The following LIPI variants were observed in gnomAD, a reference collection of about 807,000 sequenced individuals.
LIPI encodes the protein lipase I.
In LIPI, 59 loss-of-function variants were observed where a neutral mutation model predicts 50.6. The ratio of observed to expected loss-of-function variants is 1.16; its 90% CI spans 0.94 to 1.45. The LOEUF (loss-of-function observed/expected upper bound fraction) is 1.45, where lower values mean the gene tolerates loss of function less well. LIPI is among the 40% of genes most tolerant of loss of function. The probability of loss-of-function intolerance (pLI) is 0.00; values close to 1 mark genes in which losing one functional copy is unlikely to be tolerated. For missense variants in LIPI, 586 were observed against 536.3 expected, an observed-to-expected ratio of 1.09 and a Z score of -0.92; for synonymous variants, 203 against 178.2, an observed-to-expected ratio of 1.14 and a Z score of -1.11.
intron 4 of LIPI, among the ~76,000 whole-genome samples, chr21:14,180,085 T>A (rs2019221963): frequency 6.6e-6 from 1 of 152,094 alleles, no homozygotes; most frequent in Non-Finnish European, 1.5e-5. Flanking sequence ...TCTGGGAATG[T>A]CTGTCTTATG....
chr21:14,161,133 T>C (rs1310511053), intron 7 of LIPI, among the ~76,000 whole-genome samples: 2 of 151,136 alleles, frequency 1.3e-5, no homozygotes, highest in East Asian at 1.9e-4. Context: ...TTATGACAGA[T>C]AAATGAAGAC....
chr21:14,176,680 G>GTTT (rs34940495), intron 4 of LIPI, among the ~76,000 whole-genome samples: 2 of 141,682 alleles, frequency 1.4e-5, no homozygotes, highest in African/African-American at 2.6e-5. Context: ...TGAGAATATT[G>GTTT]TTTTTTTTTC....
At chr21:14,164,515 T>A (rs2123153401) in intron 6 of LIPI, among the ~76,000 whole-genome samples, 1 of 152,304 alleles carries the variant, frequency 6.6e-6, no homozygotes, top group South Asian at 2.1e-4. Flanking sequence ...TACCTATTCC[T>A]CGAACCCCTT....
intron 1 of LIPI, among the ~76,000 whole-genome samples, chr21:14,197,448 A>C (rs1208894349): frequency 6.6e-6 from 1 of 152,146 alleles, no homozygotes; most frequent in African/African-American, 2.4e-5. Context: ...AGAGCTGAAA[A>C]ACACACTACA....
At chr21:14,201,212 A>G (rs1426174074) in intron 1 of LIPI, among the ~76,000 whole-genome samples, 1 of 152,128 alleles carries the variant, frequency 6.6e-6, no homozygotes, top group African/African-American at 2.4e-5. Flanking sequence ...CTAAGATTTC[A>G]CGACAAAGAC....
chr21:14,163,802 G>T (rs898811197), intron 6 of LIPI, among the ~76,000 whole-genome samples: 18 of 151,826 alleles, frequency 1.2e-4, no homozygotes, highest in African/African-American at 2.9e-4. Flanking sequence ...ATTTGTAGAA[G>T]TTTTACTGTT....
rs1028876978 is a variant in LIPI at position 14,135,341 on chromosome 21, C to T, written c.1295+9282G>A. 2.9e-4 allele frequency among the ~76,000 whole-genome samples: 44 copies of T among 152,042 alleles called. 1 individual carries two copies. Among genetic ancestry groups the T allele is most frequent in the Non-Finnish European group, 4.4e-5 (3 of 67,998 alleles). ...ACACGGAAAAAAACACCTTCATAAC[C>T]AAAAAATCAGATGAGCACTCATAGT... On this transcript the variant is annotated intron_variant, in intron 9 of 9. Coordinates refer to ENST00000681601, the MANE Select transcript of LIPI (RefSeq NM_001302998.2).
intron 3 of LIPI, 41 bp downstream of exon 3, chr21:14,185,919 TA>T: frequency 3.4e-6 from 4 of 1,170,164 alleles, no homozygotes; most frequent in Non-Finnish European, 5.1e-6. Flanking sequence ...TTCTGATACT[TA>T]AAAGTATGCT....
intron 1 of LIPI, among the ~76,000 whole-genome samples, chr21:14,189,935 A>G (rs1392381972): frequency 2.0e-5 from 3 of 152,258 alleles, no homozygotes; most frequent in Non-Finnish European, 4.4e-5. Flanking sequence ...TCATAAGTTG[A>G]TACAACATTC....
intron 8 of LIPI, among the ~76,000 whole-genome samples, chr21:14,147,548 C>T (rs2017949343): frequency 1.3e-5 from 2 of 152,046 alleles, no homozygotes; most frequent in South Asian, 4.1e-4. Context: ...AATCTATCTG[C>T]TATAGACATC....
intron 8 of LIPI, among the ~76,000 whole-genome samples, chr21:14,149,902 G>A (rs986091865): frequency 6.6e-6 from 1 of 152,190 alleles, no homozygotes; most frequent in African/African-American, 2.4e-5. Context: ...GGTGTCTGCA[G>A]GTTTTCCAGG....
At chr21:14,135,257 T>G (rs533758537) in intron 9 of LIPI, among the ~76,000 whole-genome samples, 2 of 152,256 alleles carry the variant, frequency 1.3e-5, no homozygotes, top group Non-Finnish European at 2.9e-5. Flanking sequence ...CAGGGCAAGA[T>G]GGTGGAATAG....
At chr21:14,204,547 T>C (rs1033100952) in intron 1 of LIPI, among the ~76,000 whole-genome samples, 4 of 151,848 alleles carry the variant, frequency 2.6e-5, no homozygotes, top group African/African-American at 9.7e-5. Context: ...GAAAAATAAA[T>C]GACATTTTGA....
intron 9 of LIPI, among the ~76,000 whole-genome samples, chr21:14,123,207 A>C (rs2016929483): frequency 6.6e-6 from 1 of 152,266 alleles, no homozygotes; most frequent in Non-Finnish European, 1.5e-5. Flanking sequence ...AAAGACTTTC[A>C]GACTCCCGTA....
chr21:14,115,104 C>T (rs776017546), intron 9 of LIPI, among the ~76,000 whole-genome samples: 1 of 152,040 alleles, frequency 6.6e-6, no homozygotes, highest in Non-Finnish European at 1.5e-5. Flanking sequence ...AACCTCCGCA[C>T]CCCGCTCCCC....
intron 7 of LIPI, among the ~76,000 whole-genome samples, chr21:14,153,139 AATATAT>A (rs939298680): frequency 6.6e-6 from 1 of 152,152 alleles, no homozygotes; most frequent in South Asian, 2.1e-4. Context: ...AATGACTGTG[AATATAT>A]ATATAAGGTA....
intron 9 of LIPI, among the ~76,000 whole-genome samples, chr21:14,142,165 G>A (rs1442907891): frequency 1.3e-5 from 2 of 152,012 alleles, no homozygotes; most frequent in East Asian, 1.9e-4. Context: ...AACAGTCGGG[G>A]GTTGGGGGAC....
chr21:14,210,580 G>A (rs1375510156), intron 1 of LIPI, among the ~76,000 whole-genome samples: 1 of 151,530 alleles, frequency 6.6e-6, no homozygotes, highest in African/African-American at 2.4e-5. Context: ...TATCTGGCAA[G>A]GAAATAAAAT....
chr21:14,198,944 C>G (rs387648), intron 1 of LIPI, among the ~76,000 whole-genome samples: 21,620 of 151,916 alleles, frequency 0.14, 1,966 homozygotes, highest in South Asian at 0.21. Context: ...TAGAAATTAA[C>G]ACTAAGAAAT....
Sources: gnomAD v4.1 joint callset for allele counts (sites outside exome capture counted in the v4.1 genomes callset) on GRCh38, gnomAD v4.1.1 for gene constraint, MANE v1.5 for transcripts, NCBI Gene and HGNC (gene_info 2026-07-23, HGNC 2026-07-21) for gene names.